ATP1B3: variants seen among roughly 807,000 people sequenced by gnomAD.
The protein encoded by ATP1B3 is sodium/potassium-transporting ATPase subunit beta-3.
In ATP1B3, 10 loss-of-function variants were observed where a neutral mutation model predicts 30.2. The ratio of observed to expected loss-of-function variants is 0.33; its 90% CI spans 0.20 to 0.56. ATP1B3 has a LOEUF of 0.56. Among genes scored for constraint, ATP1B3 ranks in the 20% least tolerant of loss-of-function variants. The pLI is 0.90. For missense variants in ATP1B3, 238 were observed against 336.7 expected, an observed-to-expected ratio of 0.71 and a Z score of 2.29; for synonymous variants, 113 against 117.0, an observed-to-expected ratio of 0.97 and a Z score of 0.22.
chr3:141,879,606 T>C lies in ATP1B3; in HGVS notation c.109+2696T>C, dbSNP rs369500600. ...GGCCAACATGGTGAAACCCTGTCTC[T>C]ACTAAAAATGAAAAAAAAAAAAATT... is the stretch of plus-strand genomic sequence containing the variant. On this transcript the variant is annotated intron_variant, in intron 1 of 6. Transcript: ENST00000286371. 2.3e-4 allele frequency among the ~76,000 whole-genome samples: 35 copies of C among 150,882 alleles called. 1 individual carries two copies. The East Asian group carries it at 2.9e-3, about 13-fold the overall frequency.
rs560645631 is a variant in ATP1B3, at chr3:141,919,601, G to A, written c.583-2376G>A. On this transcript the variant is annotated intron_variant, in intron 5 of 6. Coordinates refer to ENST00000286371, the MANE Select transcript of ATP1B3 (RefSeq NM_001679.4). Reference sequence around the variant, plus strand: ...CTCCATTTTGTTTCAGTGGAACTTAGTGACCATCAGTAGGTTCTTAGAGTT... The same window carrying A: ...CTCCATTTTGTTTCAGTGGAACTTAATGACCATCAGTAGGTTCTTAGAGTT... 2.6e-5 allele frequency among the ~76,000 whole-genome samples: 4 copies of A among 152,254 alleles called. No individual in the cohort carries two copies. In the South Asian group the frequency reaches 8.3e-4, roughly 32 times the overall value.
rs966236659 is a variant in ATP1B3, at chr3:141,876,724, G to T, written c.-78G>T. 3 of 1,149,156 alleles carry T rather than the reference G, an allele frequency of 2.6e-6. No homozygotes were observed. The highest frequency in any genetic ancestry group is 4.3e-5 in the Admixed American group (2 of 46,438). 71.2% of individuals were successfully genotyped at this position (1,149,156 alleles called of 1,614,324 possible). On this transcript the variant is annotated 5_prime_UTR_variant, in exon 1 of 7. Coordinates refer to ENST00000286371, the MANE Select transcript of ATP1B3 (RefSeq NM_001679.4). ...CTGCCGTCTCCGGGCTGCGCCGCCG[G>T]AGCCGGGACGCGCCTCCGCAGCCCT...
intron 5 of ATP1B3, chr3:141,916,686 C>A: frequency 1.2e-6 from 1 of 842,598 alleles, no homozygotes; most frequent in Non-Finnish European, 1.6e-6. Context: ...ACATTGAAAT[C>A]ACTTTTAAAG....
intron 1 of ATP1B3, chr3:141,877,513 T>A (rs1312792153): frequency 6.6e-6 from 1 of 152,254 alleles, no homozygotes; most frequent in Non-Finnish European, 1.5e-5. Context: ...AGAAGTACAT[T>A]GTACAAGAAA....
chr3:141,895,114 GT>G (rs1035374875), intron 1 of ATP1B3, among the ~76,000 whole-genome samples: 2 of 149,738 alleles, frequency 1.3e-5, no homozygotes, highest in African/African-American at 2.5e-5. Flanking sequence ...CATGCTTTAT[GT>G]TTTTTTTGGG....
At chr3:141,903,569 T>TACAC (rs756035583) in intron 1 of ATP1B3, 51 bp from the exon 2 acceptor site, 19 of 1,602,192 alleles carry the variant, frequency 1.2e-5, no homozygotes, top group Non-Finnish European at 1.6e-5. Context: ...CAAACATGCA[T>TACAC]ACACACACAC....
chr3:141,913,180 T>A (rs1243470695), intron 3 of ATP1B3, among the ~76,000 whole-genome samples: 2 of 151,978 alleles, frequency 1.3e-5, no homozygotes, highest in Non-Finnish European at 2.9e-5. Flanking sequence ...CACATACCCT[T>A]CTGCATTCAG....
At chr3:141,892,674 A>AAAC in intron 1 of ATP1B3, among the ~76,000 whole-genome samples, 1 of 144,220 alleles carries the variant, frequency 6.9e-6, no homozygotes, top group African/African-American at 2.5e-5. Context: ...AAAAAAAAAA[A>AAAC]AACAGTTATC....
At chr3:141,905,319 A>T (rs1456820837) in intron 2 of ATP1B3, among the ~76,000 whole-genome samples, 1 of 152,102 alleles carries the variant, frequency 6.6e-6, no homozygotes, top group Non-Finnish European at 1.5e-5. Flanking sequence ...GCGTCTGGAA[A>T]TATTTTTGGT....
intron 1 of ATP1B3, among the ~76,000 whole-genome samples, chr3:141,897,957 G>T (rs1934098454): frequency 6.6e-6 from 1 of 152,168 alleles, no homozygotes; most frequent in Admixed American, 6.5e-5. Context: ...TGATCTGCCT[G>T]CCTCGGCCTC....
At chr3:141,907,367 C>T (rs929939841) in intron 3 of ATP1B3, 93 bp downstream of exon 3, 64 of 984,658 alleles carry the variant, frequency 6.5e-5, no homozygotes, top group Non-Finnish European at 8.6e-5. Context: ...CGCCTGTAAT[C>T]CCAGCACTTT....
rs1933597243 is a variant in ATP1B3 at position 141,876,728 on chromosome 3, C to T, written c.-74C>T. 5 of 1,203,026 alleles carry T rather than the reference C, an allele frequency of 4.2e-6. No individual in the cohort carries two copies. Among genetic ancestry groups the T allele is most frequent in the South Asian group, 1.3e-5 (1 of 77,196 alleles). The allele number at this position is 1,203,026 out of a possible 1,614,324, so 74.5% of individuals were successfully genotyped here. A position where few individuals can be genotyped will look rare whatever the true frequency, so the allele number is the denominator to read the frequency against. ...CGTCTCCGGGCTGCGCCGCCGGAGC[C>T]GGGACGCGCCTCCGCAGCCCTCGCC... is the stretch of plus-strand genomic sequence containing the variant. On this transcript the variant is annotated 5_prime_UTR_variant, in exon 1 of 7. Transcript: ENST00000286371.
At chr3:141,920,191 G>T (rs1275445313) in intron 5 of ATP1B3, among the ~76,000 whole-genome samples, 1 of 152,100 alleles carries the variant, frequency 6.6e-6, no homozygotes, top group Admixed American at 6.6e-5. Context: ...CTGAGCCCCA[G>T]TGCCCTGCTC....
chr3:141,913,621 G>C, intron 3 of ATP1B3, 31 bp from the exon 4 acceptor site: 1 of 1,556,554 alleles, frequency 6.4e-7, no homozygotes, highest in Non-Finnish European at 8.7e-7. Context: ...TTTTTTGGCT[G>C]ATCTAGCACA....
At chr3:141,901,234 A>G (rs983453463) in intron 1 of ATP1B3, among the ~76,000 whole-genome samples, 9 of 152,194 alleles carry the variant, frequency 5.9e-5, no homozygotes, top group Admixed American at 5.9e-4. Context: ...GGCACATTGA[A>G]TAGGTTCCAT....
chr3:141,894,280 T>A (rs1045909472), intron 1 of ATP1B3, among the ~76,000 whole-genome samples: 5 of 151,948 alleles, frequency 3.3e-5, no homozygotes, highest in South Asian at 2.1e-4. Flanking sequence ...TTTATTAAAA[T>A]TTTTTTTACT....
chr3:141,905,867 T>C (rs1934254759), intron 2 of ATP1B3, among the ~76,000 whole-genome samples: 1 of 152,102 alleles, frequency 6.6e-6, no homozygotes, highest in East Asian at 1.9e-4. Flanking sequence ...GTTTTTAAAC[T>C]GAGTTTCTTA....
chr3:141,901,288 C>G (rs924840091), intron 1 of ATP1B3, among the ~76,000 whole-genome samples: 1 of 152,120 alleles, frequency 6.6e-6, no homozygotes, highest in Non-Finnish European at 1.5e-5. Flanking sequence ...ATTTAGAGCC[C>G]CATCAGCAAA....
intron 1 of ATP1B3, among the ~76,000 whole-genome samples, chr3:141,878,106 A>AT (rs1933643053): frequency 6.6e-6 from 1 of 152,070 alleles, no homozygotes; most frequent in Non-Finnish European, 1.5e-5. Flanking sequence ...GCCTTGGAGG[A>AT]TTTTTAGCCC....
Sources: gnomAD v4.1 joint callset for allele counts (sites outside exome capture counted in the v4.1 genomes callset) on GRCh38, gnomAD v4.1.1 for gene constraint, MANE v1.5 for transcripts, NCBI Gene and HGNC (gene_info 2026-07-23, HGNC 2026-07-21) for gene names.